The following PARD6B variants were observed in gnomAD, a reference collection of about 807,000 sequenced individuals.
The protein encoded by PARD6B is partitioning defective 6 homolog beta.
Under a neutral mutation model 10.5 loss-of-function variants are expected in PARD6B, and 4 were observed. That is an observed-to-expected ratio of 0.38 (90% confidence interval 0.19 to 0.87). The LOEUF (loss-of-function observed/expected upper bound fraction) is 0.87, where lower values mean the gene tolerates loss of function less well. Ranked by LOEUF, PARD6B falls within the 40% of genes least tolerant of loss-of-function variation. The pLI, the probability that PARD6B is intolerant of heterozygous loss-of-function variation, is 0.41. For synonymous variants in PARD6B, 169 were observed against 170.4 expected (o/e 0.99, Z 0.07); for missense variants, 396 against 470.6 (o/e 0.84, Z 1.47).
At position 50,743,663 on chromosome 20, in the gene PARD6B, C is replaced by T. The variant is rs369350025; in HGVS notation, c.289+5584C>T. Among the ~76,000 whole-genome samples the T allele has an allele frequency of 2.2e-4, 33 of 151,968 alleles. No individual in the cohort carries two copies. In the South Asian group the frequency reaches 2.5e-3, roughly 12 times the overall value. Reference sequence around the variant, plus strand: ...CAGCATTTTTGGTGGCCGAGGCGGGCGAATCACAAGATCAGGAGATCGAGA... The same window carrying T: ...CAGCATTTTTGGTGGCCGAGGCGGGTGAATCACAAGATCAGGAGATCGAGA... On this transcript the variant is annotated intron_variant, in intron 2 of 2. Coordinates refer to ENST00000371610, the MANE Select transcript of PARD6B (RefSeq NM_032521.3).
chr20:50,744,410 C>T (rs2087552910), intron 2 of PARD6B, among the ~76,000 whole-genome samples: 1 of 151,956 alleles, frequency 6.6e-6, no homozygotes, highest in South Asian at 2.1e-4. Flanking sequence ...CACTGCACTG[C>T]GCTGGCTGCA....
At chr20:50,743,647 T>TG (rs1181989114) in intron 2 of PARD6B, among the ~76,000 whole-genome samples, 1 of 152,140 alleles carries the variant, frequency 6.6e-6, no homozygotes, top group Non-Finnish European at 1.5e-5. Flanking sequence ...CCAGCATTTT[T>TG]GGTGGCCGAG....
intron 1 of PARD6B, 60 bp downstream of exon 1, chr20:50,731,912 C>T: frequency 3.8e-6 from 5 of 1,317,540 alleles, no homozygotes; most frequent in African/African-American, 1.6e-5. Flanking sequence ...CTGGGAGAGG[C>T]CGGGCCAGGC....
At position 50,731,857 on chromosome 20, in the gene PARD6B, G is replaced by A; in HGVS notation, c.66+5G>A. The A allele has an allele frequency of 6.9e-7, 1 of 1,449,300 alleles. No homozygotes were observed. Among genetic ancestry groups the A allele is most frequent in the Non-Finnish European group, 9.0e-7 (1 of 1,105,018 alleles). The allele number at this position is 1,449,300 out of a possible 1,614,324, so 89.8% of individuals were successfully genotyped here. On this transcript the variant is annotated splice_donor_5th_base_variant and intron_variant, in intron 1 of 2. Transcript: ENST00000371610. ...ACTATGGAGGTGAAGAGCAAGGTGC[G>A]CGGGGCCCGGGCTGGGCGGAGCGGC...
In PARD6B at chr20:50,751,234, T is replaced by C. The variant is rs1033256288; in HGVS notation, c.*746T>C. On this transcript the variant is annotated 3_prime_UTR_variant, in exon 3 of 3. Transcript: ENST00000371610. ...GTCCTGCCTCGGCTTCCCAAAATGC[T>C]AGGATTAGAGCCACCATGCCCAGCC... The C allele has an allele frequency of 3.1e-6, 3 of 962,682 alleles. No individual in the cohort carries two copies. The African/African-American group carries it at 5.3e-5, about 17-fold the overall frequency. 59.6% of individuals were successfully genotyped at this position (962,682 alleles called of 1,614,324 possible). A position where few individuals can be genotyped will look rare whatever the true frequency, so the allele number is the denominator to read the frequency against.
At chr20:50,739,222 G>A (rs966045917) in intron 2 of PARD6B, among the ~76,000 whole-genome samples, 4 of 151,868 alleles carry the variant, frequency 2.6e-5, no homozygotes, top group Admixed American at 6.6e-5. Flanking sequence ...GGAGGCGGGC[G>A]GATCATCTGA....
At chr20:50,744,577 C>A (rs1428848151) in intron 2 of PARD6B, among the ~76,000 whole-genome samples, 1 of 152,146 alleles carries the variant, frequency 6.6e-6, no homozygotes, top group Non-Finnish European at 1.5e-5. Flanking sequence ...TTTGGTACTT[C>A]CCAGGAGGCC....
Position 50,750,946 on chromosome 20 carries a change from T to G in PARD6B, c.*458T>G, listed in dbSNP as rs1216148955. 45 of 888,684 alleles carry G rather than the reference T, an allele frequency of 5.1e-5. No homozygotes were observed. The highest frequency in any genetic ancestry group is 3.7e-4 in the East Asian group (3 of 8,072). The allele number at this position is 888,684 out of a possible 1,614,324, so 55.0% of individuals were successfully genotyped here. ...TTAAAGGTCTCATGTTCCCAATATT[T>G]TATTTTGATTTTTTTTTTTTTTTTT... is the stretch of plus-strand genomic sequence containing the variant. On this transcript the variant is annotated 3_prime_UTR_variant, in exon 3 of 3. Coordinates refer to ENST00000371610, the MANE Select transcript of PARD6B (RefSeq NM_032521.3).
At chr20:50,738,170 G>A (rs2087510543) in intron 2 of PARD6B, 91 bp downstream of exon 2, 2 of 845,212 alleles carry the variant, frequency 2.4e-6, no homozygotes, top group African/African-American at 1.8e-5. Context: ...CACAAACTTA[G>A]TGAATAAACA....
chr20:50,745,092 T>C (rs185770691), intron 2 of PARD6B, among the ~76,000 whole-genome samples: 24 of 152,312 alleles, frequency 1.6e-4, no homozygotes, highest in Non-Finnish European at 2.9e-4. Context: ...GTCTGCAAAA[T>C]TTGAATATCT....
intron 1 of PARD6B, among the ~76,000 whole-genome samples, chr20:50,737,436 T>C (rs1034198327): frequency 2.6e-5 from 4 of 152,220 alleles, no homozygotes; most frequent in Admixed American, 6.5e-5. Flanking sequence ...TAGTTCCATT[T>C]ATGGGGGAGG....
chr20:50,736,013 A>G (rs187482466), intron 1 of PARD6B, among the ~76,000 whole-genome samples: 1 of 152,352 alleles, frequency 6.6e-6, no homozygotes, highest in Admixed American at 6.5e-5. Flanking sequence ...TTTACTTTGA[A>G]ATGTGAAGGT....
chr20:50,737,886 G>T lies in PARD6B; in HGVS notation c.96G>T (p.Leu32=). The T allele has an allele frequency of 6.3e-7, 1 of 1,598,610 alleles. No individual in the cohort carries two copies. Among genetic ancestry groups the T allele is most frequent in the Non-Finnish European group, 8.5e-7 (1 of 1,172,860 alleles). The change falls in exon 2 of 3, where the codon CTG becomes CTT. Residue 32 remains leucine (L), a synonymous_variant. Transcript: ENST00000371610. ...GAGCTGAATTTCGTCGGTTTTCGCT[G>T]GAAAGATCAAAACCTGGAAAATTTG... is the stretch of plus-strand genomic sequence containing the variant. The part of the protein sequence containing the change: ...KFGAEFRRFS[L]ERSKPGKFEE...
At position 50,753,115 on chromosome 20, in the gene PARD6B, A is replaced by T; in HGVS notation, c.*2627A>T. The T allele has an allele frequency of 1.0e-6, 1 of 984,484 alleles. No homozygotes were observed. The highest frequency in any genetic ancestry group is 1.2e-6 in the Non-Finnish European group (1 of 828,916). 61.0% of individuals were successfully genotyped at this position (984,484 alleles called of 1,614,324 possible). ...GTTTTAACATCAGAACTTTTGGGGGAAAAACTACTTCAGGGCTTGACTTTT... is the reference window on the plus strand; with the variant it reads ...GTTTTAACATCAGAACTTTTGGGGGTAAAACTACTTCAGGGCTTGACTTTT... On this transcript the variant is annotated 3_prime_UTR_variant, in exon 3 of 3. Transcript: ENST00000371610.
chr20:50,752,974 C>A lies in PARD6B; in HGVS notation c.*2486C>A. On this transcript the variant is annotated 3_prime_UTR_variant, in exon 3 of 3. Transcript: ENST00000371610. ...TCTTACAAATTTGACTCTTGAATGG[C>A]AAAATAATGTTAGTATGTAGAAGGT... 4.1e-6 allele frequency: 4 copies of A among 984,034 alleles called. No individual in the cohort carries two copies. Among genetic ancestry groups the A allele is most frequent in the Non-Finnish European group, 4.8e-6 (4 of 828,458 alleles). 61.0% of individuals were successfully genotyped at this position (984,034 alleles called of 1,614,324 possible). A position where few individuals can be genotyped will look rare whatever the true frequency, so the allele number is the denominator to read the frequency against.
chr20:50,750,442 C>T lies in PARD6B; in HGVS notation c.1073C>T (p.Pro358Leu), dbSNP rs1394576004. Residue 358 changes from proline to leucine, a missense_variant, in exon 3 of 3, where the codon CCA becomes CTA. Pro to Leu is a moderately conservative substitution (Grantham distance 98, BLOSUM62 -3). This residue lies in a region of PARD6B where 188 missense variants were observed against 169.7 expected (regional missense o/e 1.11). Transcript: ENST00000371610. ...AACACGGAATTTGAAACACATGCTC[C>T]AGATCAAAAACTCTTAGAAGAAGAT... ...SSNTEFETHA[P>L]DQKLLEEDGT... 3 of 1,613,992 alleles carry T rather than the reference C, an allele frequency of 1.9e-6. No homozygotes were observed. Among genetic ancestry groups the T allele is most frequent in the Non-Finnish European group, 8.5e-7 (1 of 1,180,002 alleles).
At chr20:50,741,501 C>A (rs1291009882) in intron 2 of PARD6B, among the ~76,000 whole-genome samples, 1 of 152,120 alleles carries the variant, frequency 6.6e-6, no homozygotes, top group Non-Finnish European at 1.5e-5. Flanking sequence ...GGTTTACCAT[C>A]AGGTCGCAGC....
chr20:50,739,903 G>A (rs1229319269), intron 2 of PARD6B, among the ~76,000 whole-genome samples: 1 of 151,992 alleles, frequency 6.6e-6, no homozygotes, highest in Admixed American at 6.5e-5. Flanking sequence ...TGGCGGGAAG[G>A]TAGGAGGGGA....
At chr20:50,748,303 C>T (rs960650628) in intron 2 of PARD6B, among the ~76,000 whole-genome samples, 2 of 152,260 alleles carry the variant, frequency 1.3e-5, no homozygotes, top group East Asian at 1.9e-4. Context: ...GAGATCATGC[C>T]TCTGCACTCC....
Sources: gnomAD v4.1 joint callset for allele counts (sites outside exome capture counted in the v4.1 genomes callset) on GRCh38, gnomAD v4.1.1 for gene constraint, gnomAD v4.1.1 regional missense constraint, MANE v1.5 for transcripts, NCBI Gene and HGNC (gene_info 2026-07-23, HGNC 2026-07-21) for gene names.